The following PCDHA7 variants were observed in gnomAD, a reference collection of about 807,000 sequenced individuals.
PCDHA7 encodes the protein protocadherin alpha-7.
Under a neutral mutation model 57.2 loss-of-function variants are expected in PCDHA7, and 37 were observed. The observed-to-expected ratio is 0.65, with a 90% CI of 0.50 to 0.85. The LOEUF (loss-of-function observed/expected upper bound fraction) is 0.85, where lower values mean the gene tolerates loss of function less well. PCDHA7 is among the 40% of genes least tolerant of loss of function. The pLI, the probability that PCDHA7 is intolerant of heterozygous loss-of-function variation, is 0.00. For missense variants in PCDHA7, 1,188 were observed against 1,241.8 expected (o/e 0.96, Z 0.65); for synonymous variants, 553 against 558.8 (o/e 0.99, Z 0.15).
At chr5:140,917,522 G>A (rs931609211) in intron 1 of PCDHA7, among the ~76,000 whole-genome samples, 1 of 152,144 alleles carries the variant, frequency 6.6e-6, no homozygotes, top group Non-Finnish European at 1.5e-5. Context: ...TTTATTCTAC[G>A]GTTTGTATAG....
chr5:140,954,836 A>T (rs1185482098), intron 1 of PCDHA7, among the ~76,000 whole-genome samples: 1 of 152,086 alleles, frequency 6.6e-6, no homozygotes, highest in Non-Finnish European at 1.5e-5. Context: ...TTTGTCATGA[A>T]ATCTTTGCCT....
Position 141,011,633 on chromosome 5 carries a change from G to C in PCDHA7, c.*1696G>C, listed in dbSNP as rs988824031. On this transcript the variant is annotated 3_prime_UTR_variant, in exon 4 of 4. Coordinates refer to ENST00000525929, the MANE Select transcript of PCDHA7 (RefSeq NM_018910.3). ...TTATGGTCCAGCCAAGAGCCATCTC[G>C]TGCCAAGACTTCTGCTGGCAAGGGA... 6.5e-6 allele frequency: 1 copy of C among 153,624 alleles called. No homozygotes were observed. Among genetic ancestry groups the C allele is most frequent in the Non-Finnish European group, 1.5e-5 (1 of 68,022 alleles). 9.5% of individuals were successfully genotyped at this position (153,624 alleles called of 1,614,324 possible). A position where few individuals can be genotyped will look rare whatever the true frequency, so the allele number is the denominator to read the frequency against.
rs1052880282 is a variant in PCDHA7 at position 140,969,588 on chromosome 5, T to C, written c.2356-9361T>C. On this transcript the variant is annotated intron_variant, in intron 1 of 3. Coordinates refer to ENST00000525929, the MANE Select transcript of PCDHA7 (RefSeq NM_018910.3). ...TTGTTTGAGAAGTGAGGATTAGTCT[T>C]AATATTTAATGCTAAAACACAGATT... 31 of 849,754 alleles carry C rather than the reference T, an allele frequency of 3.6e-5. No individual in the cohort carries two copies. The African/African-American group carries it at 5.3e-4, about 15-fold the overall frequency. The allele number at this position is 849,754 out of a possible 1,614,324, so 52.6% of individuals were successfully genotyped here. A position where few individuals can be genotyped will look rare whatever the true frequency, so the allele number is the denominator to read the frequency against.
At chr5:141,008,238 G>A (rs2098366224) in intron 3 of PCDHA7, among the ~76,000 whole-genome samples, 1 of 152,046 alleles carries the variant, frequency 6.6e-6, no homozygotes, top group Admixed American at 6.6e-5. Context: ...TACTGCTCAG[G>A]GACACCAAAT....
At chr5:140,896,089 G>GGATTA (rs2065370419) in intron 1 of PCDHA7, among the ~76,000 whole-genome samples, 1 of 152,010 alleles carries the variant, frequency 6.6e-6, no homozygotes, top group Non-Finnish European at 1.5e-5. Flanking sequence ...GGGATTACAG[G>GGATTA]CGTGAGCCAC....
At position 140,928,541 on chromosome 5, in the gene PCDHA7, A is replaced by T. The variant is rs149868042; in HGVS notation, c.2356-50408A>T. Reference sequence around the variant, plus strand: ...AACTTGTTTGTGGTAGATAGGAATGACAATTATCCGGTTATCTTGTTTCCC... The same window carrying T: ...AACTTGTTTGTGGTAGATAGGAATGTCAATTATCCGGTTATCTTGTTTCCC... On this transcript the variant is annotated intron_variant, in intron 1 of 3. Transcript: ENST00000525929. 1,755 of 1,614,192 alleles carry T rather than the reference A, an allele frequency of 1.1e-3. 11 individuals carry two copies. In the African/African-American group the frequency reaches 0.015, roughly 13 times the overall value.
At chr5:140,837,263 G>C (rs2150274412) in intron 1 of PCDHA7, 1 of 152,030 alleles carries the variant, frequency 6.6e-6, no homozygotes, top group East Asian at 1.9e-4. Flanking sequence ...TATCATATTT[G>C]TGTAGCACTG....
intron 1 of PCDHA7, chr5:140,882,232 T>C: frequency 1.9e-6 from 3 of 1,575,806 alleles, no homozygotes; most frequent in African/African-American, 1.4e-5. Context: ...AGGCGTTGTA[T>C]ATATTGCAGA....
intron 1 of PCDHA7, among the ~76,000 whole-genome samples, chr5:140,956,852 G>T (rs931766503): frequency 3.3e-5 from 5 of 152,060 alleles, no homozygotes; most frequent in African/African-American, 1.2e-4. Context: ...TGGGTTAAAT[G>T]GTTGAATGAA....
intron 1 of PCDHA7, chr5:140,870,883 C>G: frequency 6.2e-7 from 1 of 1,613,920 alleles, no homozygotes; most frequent in South Asian, 1.1e-5. Flanking sequence ...GGCGAAGGTG[C>G]GCGCAGTGGA....
At chr5:140,889,503 C>G (rs2062252341) in intron 1 of PCDHA7, among the ~76,000 whole-genome samples, 2 of 151,950 alleles carry the variant, frequency 1.3e-5, no homozygotes, top group Admixed American at 1.3e-4. Context: ...AGTGATATTT[C>G]CCTTTCCATT....
chr5:140,850,423 C>T (rs782005281), intron 1 of PCDHA7: 4 of 1,597,882 alleles, frequency 2.5e-6, no homozygotes, highest in South Asian at 1.1e-5. Context: ...ACGGACGCAC[C>T]GCGCCAGCGC....
chr5:140,836,195 C>A lies in PCDHA7; in HGVS notation c.1812C>A (p.Asn604Lys), dbSNP rs2150255060. Reference sequence around the variant, plus strand: ...CAGTTGACGCTGACTCAGGCTACAACGCGTGGCTTTCGTATGAGTTGCAAC... The same window carrying A: ...CAGTTGACGCTGACTCAGGCTACAAAGCGTGGCTTTCGTATGAGTTGCAAC... ...VRAVDADSGY[N>K]AWLSYELQPV... is the part of the protein sequence containing the mutation. The change falls in exon 1 of 4, where the codon AAC (asparagine) becomes AAA (lysine). Residue 604 changes from asparagine to lysine, a missense_variant. Transcript: ENST00000525929. 3 of 1,613,858 alleles carry A rather than the reference C, an allele frequency of 1.9e-6. No individual in the cohort carries two copies. Among genetic ancestry groups the A allele is most frequent in the Admixed American group, 1.7e-5 (1 of 60,020 alleles).
chr5:140,953,951 A>C (rs1554221165), intron 1 of PCDHA7, among the ~76,000 whole-genome samples: 1 of 151,876 alleles, frequency 6.6e-6, no homozygotes, highest in Admixed American at 6.6e-5. Context: ...TGCTCCCCCA[A>C]CAGGCCCCAG....
chr5:140,883,091 G>A lies in PCDHA7; in HGVS notation c.2355+46353G>A, dbSNP rs782433695. The A allele has an allele frequency of 1.9e-6, 3 of 1,613,994 alleles. No individual in the cohort carries two copies. In the African/African-American group the frequency reaches 4.0e-5, roughly 22 times the overall value. ...CACAGATCCTGATGATGGTACAAAT[G>A]GAGATATAGTTTACTCATTTAGAAG... On this transcript the variant is annotated intron_variant, in intron 1 of 3. Coordinates refer to ENST00000525929, the MANE Select transcript of PCDHA7 (RefSeq NM_018910.3).
At chr5:140,871,183 G>A (rs782647681) in intron 1 of PCDHA7, 2 of 1,613,586 alleles carry the variant, frequency 1.2e-6, no homozygotes, top group South Asian at 2.2e-5. Flanking sequence ...TGCGCTGGTG[G>A]ATGTCAACGT....
At chr5:140,928,235 C>T (rs1455319165) in intron 1 of PCDHA7, 9 of 1,614,090 alleles carry the variant, frequency 5.6e-6, no homozygotes, top group African/African-American at 1.3e-5. Context: ...TTTCCTCAAC[C>T]CCAGCAGGAA....
chr5:140,911,509 A>G (rs1378667100), intron 1 of PCDHA7, among the ~76,000 whole-genome samples: 1 of 152,214 alleles, frequency 6.6e-6, no homozygotes, highest in Admixed American at 6.5e-5. Flanking sequence ...GAGGTTCAGT[A>G]TCTGCTTCTG....
intron 1 of PCDHA7, chr5:140,875,963 T>C: frequency 4.3e-6 from 7 of 1,614,122 alleles, no homozygotes; most frequent in Non-Finnish European, 5.9e-6. Context: ...GATATCGGCG[T>C]AAACTCTCTT....
Sources: allele counts gnomAD v4.1 joint callset (sites outside exome capture counted in the v4.1 genomes callset), GRCh38; gene constraint gnomAD v4.1.1; transcripts MANE v1.5; gene names NCBI Gene and HGNC (gene_info 2026-07-23, HGNC 2026-07-21).